The following CREBBP variants were observed in gnomAD, a reference collection of about 807,000 sequenced individuals.
CREBBP encodes CREB binding lysine acetyltransferase.
Under a neutral mutation model 265.0 loss-of-function variants are expected in CREBBP, and 19 were observed. The observed-to-expected ratio is 0.07, with a 90% confidence interval of 0.05 to 0.11. The LOEUF is 0.11. CREBBP is among the 10% of genes least tolerant of loss of function. The pLI is 1.00. For synonymous variants in CREBBP, 1,457 were observed against 1,223.7 expected, an observed-to-expected ratio of 1.19 and a Z score of -3.98; for missense variants, 2,525 against 3,219.0, an observed-to-expected ratio of 0.78 and a Z score of 5.22.
chr16:3,731,833 G>C lies in CREBBP; in HGVS notation c.4833C>G (p.Pro1611=), dbSNP rs1414593325. ...TCTGGGACAGGTCATTGGACACGTT[G>C]GGCATGCTGGGCTTCTTCTTGTTGG... is the stretch of plus-strand genomic sequence containing the variant. ...SRANKKKPSM[P]NVSNDLSQKL... The change falls in exon 29 of 31, where the codon CCC becomes CCG. Residue 1611 remains proline, a synonymous_variant. Transcript: ENST00000262367. The surrounding 1 kb of genome is among the most constrained non-coding windows in gnomAD (Gnocchi z 7.7). 6.2e-7 allele frequency: 1 copy of C among 1,614,238 alleles called. No homozygotes were observed. The highest frequency in any genetic ancestry group is 8.5e-7 in the Non-Finnish European group (1 of 1,180,046).
At chr16:3,861,042 A>G (rs757094860) in intron 1 of CREBBP, among the ~76,000 whole-genome samples, 2 of 152,154 alleles carry the variant, frequency 1.3e-5, no homozygotes, top group Non-Finnish European at 2.9e-5. Flanking sequence ...GGAGGCAGAC[A>G]GGTGGGTCAC....
intron 2 of CREBBP, among the ~76,000 whole-genome samples, chr16:3,832,157 T>C (rs1460409038): frequency 1.3e-5 from 2 of 152,116 alleles, no homozygotes; most frequent in African/African-American, 2.4e-5. Context: ...TAATACCTAT[T>C]AGCTATTCAA....
Position 3,863,363 on chromosome 16 carries a change from G to A in CREBBP, c.86-12354C>T, listed in dbSNP as rs1213641562. 2.6e-5 allele frequency among the ~76,000 whole-genome samples: 4 copies of A among 152,116 alleles called. No individual in the cohort carries two copies. In the East Asian group the frequency reaches 7.7e-4, roughly 29 times the overall value. The stretch of plus-strand genomic sequence containing the variant: ...CATGCCTGTAATTCCAGTATTTTAG[G>A]AAGCCCAGGCAGGAAGATCACCTGA... On this transcript the variant is annotated intron_variant, in intron 1 of 30. Transcript: ENST00000262367.
chr16:3,817,320 C>T (rs1428906150), intron 2 of CREBBP, among the ~76,000 whole-genome samples: 1 of 152,072 alleles, frequency 6.6e-6, no homozygotes, highest in African/African-American at 2.4e-5. Flanking sequence ...TGGCTGCCAA[C>T]AGCCTCCTCT....
intron 11 of CREBBP, among the ~76,000 whole-genome samples, chr16:3,777,365 G>C (rs542486813): frequency 6.6e-6 from 1 of 151,572 alleles, no homozygotes. Flanking sequence ...AAATAAAATA[G>C]AAATAAATAA....
intron 3 of CREBBP, 74 bp downstream of exon 3, chr16:3,810,529 G>T: frequency 6.5e-7 from 1 of 1,546,002 alleles, no homozygotes; most frequent in Non-Finnish European, 8.9e-7. Context: ...GACTTTCACT[G>T]TGAGAATGGT....
chr16:3,833,894 T>C (rs1160870580), intron 2 of CREBBP, among the ~76,000 whole-genome samples: 1 of 152,170 alleles, frequency 6.6e-6, no homozygotes, highest in African/African-American at 2.4e-5. Context: ...CTGATAAAGA[T>C]CTATTTACAA....
At chr16:3,754,351 G>GCC (rs1272265045) in intron 19 of CREBBP, among the ~76,000 whole-genome samples, 1 of 152,170 alleles carries the variant, frequency 6.6e-6, no homozygotes, top group Admixed American at 6.5e-5. Context: ...TTGCCAGACT[G>GCC]CCCCTACCTT....
intron 1 of CREBBP, among the ~76,000 whole-genome samples, chr16:3,853,008 T>C (rs1195370007): frequency 2.0e-5 from 3 of 151,888 alleles, no homozygotes; most frequent in Non-Finnish European, 2.9e-5. Context: ...GAGGCAGTTT[T>C]TCCTAGTGGT....
intron 30 of CREBBP, 137 bp from the exon 31 acceptor site, chr16:3,730,011 C>G: frequency 7.1e-7 from 1 of 1,418,070 alleles, no homozygotes; most frequent in Non-Finnish European, 9.6e-7. Flanking sequence ...AGACAGGATG[C>G]GAGCACGGAC....
At chr16:3,878,054 T>A (rs140358404) in intron 1 of CREBBP, among the ~76,000 whole-genome samples, 1 of 152,346 alleles carries the variant, frequency 6.6e-6, no homozygotes, top group East Asian at 1.9e-4. Context: ...GATGTACATA[T>A]AAGGACATGC....
intron 5 of CREBBP, among the ~76,000 whole-genome samples, chr16:3,790,642 G>T (rs373921134): frequency 6.6e-6 from 1 of 152,044 alleles, no homozygotes; most frequent in Non-Finnish European, 1.5e-5. Flanking sequence ...GAGCCATTGC[G>T]CCTGGCCAGG....
intron 30 of CREBBP, chr16:3,730,499 C>T (rs913088566): frequency 1.3e-5 from 2 of 159,408 alleles, no homozygotes; most frequent in African/African-American, 4.8e-5. Context: ...AGCCCTAGGA[C>T]CAGGTACCAT....
chr16:3,736,314 C>CAT, intron 27 of CREBBP, 111 bp from the exon 28 acceptor site: 1 of 1,150,620 alleles, frequency 8.7e-7, no homozygotes. Flanking sequence ...GGCAGAGTCC[C>CAT]ATGCATGTGT....
chr16:3,822,282 G>A (rs1037021448), intron 2 of CREBBP, among the ~76,000 whole-genome samples: 3 of 152,126 alleles, frequency 2.0e-5, no homozygotes, highest in African/African-American at 7.2e-5. Flanking sequence ...CACAGTAAAG[G>A]AGGCGGCAAT....
intron 4 of CREBBP, 109 bp downstream of exon 4, chr16:3,793,277 G>A: frequency 6.8e-7 from 1 of 1,464,030 alleles, no homozygotes; most frequent in Non-Finnish European, 9.5e-7. Context: ...CCCAATGGAA[G>A]GCAGCACTCA....
intron 1 of CREBBP, among the ~76,000 whole-genome samples, chr16:3,851,747 G>A (rs1006193571): frequency 6.2e-5 from 9 of 146,250 alleles, no homozygotes; most frequent in East Asian, 2.0e-4. Flanking sequence ...CCAGCTACTC[G>A]GGAGGCTGAG....
At position 3,729,179 on chromosome 16, in the gene CREBBP, C is replaced by A; in HGVS notation, c.5868G>T (p.Val1956=). 1 of 1,537,542 alleles carries A rather than the reference C, an allele frequency of 6.5e-7. No homozygotes were observed. Among genetic ancestry groups the A allele is most frequent in the Non-Finnish European group, 8.7e-7 (1 of 1,147,716 alleles). The change falls in exon 31 of 31, where the codon GTG becomes GTT. Residue 1956 remains valine, a synonymous_variant. Transcript: ENST00000262367. ...CACGCTCGATCTGCCGAGCCGCTTC[C>A]ACCGCTGCAGGAGGGGGCTGGGCCG... The part of the protein sequence containing the change: ...PPPAQPPPAA[V]EAARQIEREA...
At chr16:3,873,739 TCAGCACTCCTAAGGC>T (rs1172308741) in intron 1 of CREBBP, among the ~76,000 whole-genome samples, 1 of 152,272 alleles carries the variant, frequency 6.6e-6, no homozygotes, top group African/African-American at 2.4e-5. Context: ...TGCTCTGGCC[TCAGCACTCCTAAGGC>T]CAGCTGGTTT....
Sources: allele counts gnomAD v4.1 joint callset (sites outside exome capture counted in the v4.1 genomes callset), GRCh38; gene constraint gnomAD v4.1.1; non-coding constraint Gnocchi (gnomAD v3.1); transcripts MANE v1.5; gene names NCBI Gene and HGNC (gene_info 2026-07-23, HGNC 2026-07-21).